Variants in DTX3L observed in about 807,000 individuals in gnomAD.
The protein encoded by DTX3L is E3 ubiquitin-protein ligase DTX3L.
DTX3L carries 34 observed loss-of-function variants against 60.9 expected under a neutral mutation model. The observed-to-expected ratio is 0.56, with a 90% confidence interval of 0.42 to 0.74. The LOEUF (loss-of-function observed/expected upper bound fraction) is 0.74, where lower values mean the gene tolerates loss of function less well. Among genes scored for constraint, DTX3L ranks in the 30% least tolerant of loss-of-function variants. The probability of loss-of-function intolerance (pLI) is 0.00; values close to 1 mark genes in which losing one functional copy is unlikely to be tolerated. For missense variants in DTX3L, 810 were observed against 874.0 expected (o/e 0.93, Z 0.92); for synonymous variants, 290 against 316.6 (o/e 0.92, Z 0.89).
chr3:122,564,583 A>G lies in DTX3L; in HGVS notation c.157A>G (p.Thr53Ala), dbSNP rs750194251. Residue 53 changes from threonine to alanine, a missense_variant, in exon 1 of 5, where the codon ACC becomes GCC. Physicochemically the swap from Thr to Ala is moderately conservative, Grantham distance 58. Coordinates refer to ENST00000296161, the MANE Select transcript of DTX3L (RefSeq NM_138287.3). The stretch of plus-strand genomic sequence containing the variant: ...CACCCAGGAACACGAAGCCCCGGGC[A>G]CCTTCCGGGTGGAGTTCAGTGAAAG... ...VSTQEHEAPGTFRVEFSERAA... is the reference protein window; with the variant it reads ...VSTQEHEAPGAFRVEFSERAA... 6 of 1,601,552 alleles carry G rather than the reference A, an allele frequency of 3.7e-6. No individual in the cohort carries two copies. The African/African-American group carries it at 6.8e-5, about 18-fold the overall frequency.
At chr3:122,570,972 A>G (rs1367660821) in intron 4 of DTX3L, among the ~76,000 whole-genome samples, 1 of 152,192 alleles carries the variant, frequency 6.6e-6, no homozygotes, top group African/African-American at 2.4e-5. Flanking sequence ...TCTGAAGGCT[A>G]GATGCTCGGA....
chr3:122,566,752 C>T (rs1159281882), intron 2 of DTX3L, among the ~76,000 whole-genome samples: 3 of 152,130 alleles, frequency 2.0e-5, no homozygotes, highest in Non-Finnish European at 4.4e-5. Context: ...ATTCATTCAA[C>T]AATAGATATC....
chr3:122,569,025 A>C lies in DTX3L; in HGVS notation c.936A>C (p.Leu312Phe). 7 of 1,614,212 alleles carry C rather than the reference A, an allele frequency of 4.3e-6. No homozygotes were observed. The highest frequency in any genetic ancestry group is 5.9e-6 in the Non-Finnish European group (7 of 1,180,040). The change falls in exon 3 of 5, where the codon TTA becomes TTC. Residue 312 changes from leucine (L) to phenylalanine (F), a missense_variant. By Grantham distance (22) the Leu-to-Phe change is conservative. Coordinates refer to ENST00000296161, the MANE Select transcript of DTX3L (RefSeq NM_138287.3). ...TEPLKQECVS[L>F]ADSKQANKFK... ...CTCTGAAGCAAGAATGTGTCTCTTTAGCAGACAGTAAGCAGGCAAATAAAT... is the reference window on the plus strand; with the variant it reads ...CTCTGAAGCAAGAATGTGTCTCTTTCGCAGACAGTAAGCAGGCAAATAAAT...
chr3:122,568,517 A>G lies in DTX3L; in HGVS notation c.428A>G (p.Asn143Ser). The G allele has an allele frequency of 1.2e-6, 2 of 1,612,164 alleles. No homozygotes were observed. Among genetic ancestry groups the G allele is most frequent in the African/African-American group, 2.7e-5 (2 of 74,920 alleles). ...TTTCTTACTGTAACAGCTGACCTGA[A>G]CTGTAACCTGTTCTCCAAAGAGCAG... ...KIFLTVTADLNCNLFSKEQRA... is the reference protein window; with the variant it reads ...KIFLTVTADLSCNLFSKEQRA... The change falls in exon 3 of 5, where the codon AAC becomes AGC. Residue 143 changes from asparagine to serine, a missense_variant. By Grantham distance (46) the Asn-to-Ser change is conservative (BLOSUM62 1). Coordinates refer to ENST00000296161, the MANE Select transcript of DTX3L (RefSeq NM_138287.3).
intron 3 of DTX3L, 31 bp from the exon 4 acceptor site, chr3:122,570,422 CTT>C: frequency 1.2e-6 from 2 of 1,608,060 alleles, no homozygotes; most frequent in Non-Finnish European, 1.7e-6. Context: ...ACAGGGCACT[CTT>C]TTCACATGAC....
rs887245382 is a variant in DTX3L at position 122,568,626 on chromosome 3, A to G, written c.537A>G (p.Gln179=). ...TTGAGAAGGTGTGTGGTGACTTCCAAGACATTGAAAGAATACATCAATTTT... is the reference window on the plus strand; with the variant it reads ...TTGAGAAGGTGTGTGGTGACTTCCAGGACATTGAAAGAATACATCAATTTT... The part of the protein sequence containing the change: ...DGIEKVCGDF[Q]DIERIHQFLS... The change falls in exon 3 of 5, where the codon CAA becomes CAG. Residue 179 remains glutamine, a synonymous_variant. Transcript: ENST00000296161. 1 of 1,614,096 alleles carries G rather than the reference A, an allele frequency of 6.2e-7. No homozygotes were observed. Among genetic ancestry groups the G allele is most frequent in the African/African-American group, 1.3e-5 (1 of 74,932 alleles).
chr3:122,570,481 A>G lies in DTX3L; in HGVS notation c.1962A>G (p.Arg654=). The change falls in exon 4 of 5, where the codon AGA becomes AGG. Residue 654 remains arginine, a synonymous_variant. Transcript: ENST00000296161. Reference sequence around the variant, plus strand: ...AAGAACACCCAAACCCAGGAAAGAGATACCCTGGAATACAGCGAACTGCAT... The same window carrying G: ...AAGAACACCCAAACCCAGGAAAGAGGTACCCTGGAATACAGCGAACTGCAT... ...QTEEHPNPGK[R]YPGIQRTAYL... 1 of 1,614,180 alleles carries G rather than the reference A, an allele frequency of 6.2e-7. No individual in the cohort carries two copies. The highest frequency in any genetic ancestry group is 8.5e-7 in the Non-Finnish European group (1 of 1,180,028).
Position 122,572,034 on chromosome 3 carries a change from G to A in DTX3L, c.*287G>A, listed in dbSNP as rs1417032518. Reference sequence around the variant, plus strand: ...TGCCATTCTCCTACCTCAGCCTCCCGAGTAGCTGGGACTACAGGCGCCCAC... The same window carrying A: ...TGCCATTCTCCTACCTCAGCCTCCCAAGTAGCTGGGACTACAGGCGCCCAC... On this transcript the variant is annotated 3_prime_UTR_variant, in exon 5 of 5. Transcript: ENST00000296161. 3.6e-5 allele frequency: 7 copies of A among 194,166 alleles called. No individual in the cohort carries two copies. In the East Asian group the frequency reaches 4.9e-4, roughly 14 times the overall value. 12.0% of individuals were successfully genotyped at this position (194,166 alleles called of 1,614,324 possible).
At chr3:122,568,275 C>T (rs2080604855) in intron 2 of DTX3L, among the ~76,000 whole-genome samples, 2 of 152,116 alleles carry the variant, frequency 1.3e-5, no homozygotes, top group Non-Finnish European at 1.5e-5. Flanking sequence ...CGCCATTGCA[C>T]TCCAGCCTGG....
At chr3:122,570,810 T>G in intron 4 of DTX3L, 138 bp downstream of exon 4, 1 of 873,962 alleles carries the variant, frequency 1.1e-6, no homozygotes, top group Non-Finnish European at 1.8e-6. Flanking sequence ...GGGATGGTAA[T>G]CTCAAAGACA....
At position 122,569,578 on chromosome 3, in the gene DTX3L, A is replaced by C. The variant is rs756597352; in HGVS notation, c.1489A>C (p.Asn497His). 1 of 1,614,222 alleles carries C rather than the reference A, an allele frequency of 6.2e-7. No individual in the cohort carries two copies. The highest frequency in any genetic ancestry group is 1.3e-5 in the African/African-American group (1 of 75,050). ...GTCAATGACTTTGACTGGTTTGCCA[A>C]ATCACCTTGCAAAGGCGAAGCAGTA... ...QESMTLTGLP[N>H]HLAKAKQYVL... is the part of the protein sequence containing the mutation. The change falls in exon 3 of 5, where the codon AAT (asparagine) becomes CAT (histidine). Residue 497 changes from asparagine to histidine, a missense_variant. Asn to His is a moderately conservative substitution (Grantham distance 68). Transcript: ENST00000296161.
intron 4 of DTX3L, among the ~76,000 whole-genome samples, chr3:122,571,246 G>A (rs895928622): frequency 1.4e-5 from 2 of 145,336 alleles, no homozygotes; most frequent in Admixed American, 1.4e-4. Flanking sequence ...ACTAGCATGT[G>A]ATTACGATGC....
Position 122,564,418 on chromosome 3 carries a change from C to T in DTX3L, c.-9C>T. On this transcript the variant is annotated 5_prime_UTR_variant, in exon 1 of 5. Coordinates refer to ENST00000296161, the MANE Select transcript of DTX3L (RefSeq NM_138287.3). ...CCGGAGCCCCCGCGCCCTCCCGACG[C>T]GCAGAGCCATGGCCTCCCACCTGCG... The T allele has an allele frequency of 6.2e-7, 1 of 1,604,974 alleles. No homozygotes were observed. Among genetic ancestry groups the T allele is most frequent in the Non-Finnish European group, 8.5e-7 (1 of 1,176,222 alleles).
Position 122,569,027 on chromosome 3 carries a change from C to T in DTX3L, c.938C>T (p.Ala313Val). ...EPLKQECVSL[A>V]DSKQANKFKQ... is the part of the protein sequence containing the mutation. Reference sequence around the variant, plus strand: ...CTGAAGCAAGAATGTGTCTCTTTAGCAGACAGTAAGCAGGCAAATAAATTC... The same window carrying T: ...CTGAAGCAAGAATGTGTCTCTTTAGTAGACAGTAAGCAGGCAAATAAATTC... Residue 313 changes from alanine to valine, a missense_variant, in exon 3 of 5, where the codon GCA becomes GTA. Transcript: ENST00000296161. The T allele has an allele frequency of 1.2e-6, 2 of 1,614,138 alleles. No individual in the cohort carries two copies. Among genetic ancestry groups the T allele is most frequent in the Non-Finnish European group, 1.7e-6 (2 of 1,180,028 alleles).
chr3:122,569,482 T>A lies in DTX3L; in HGVS notation c.1393T>A (p.Leu465Ile). The A allele has an allele frequency of 6.2e-7, 1 of 1,614,206 alleles. No individual in the cohort carries two copies. The highest frequency in any genetic ancestry group is 8.5e-7 in the Non-Finnish European group (1 of 1,180,042). Residue 465 changes from leucine (L) to isoleucine (I), a missense_variant, in exon 3 of 5, where the codon TTA becomes ATA. Leu to Ile is a conservative substitution (Grantham distance 5, BLOSUM62 2). Transcript: ENST00000296161. The part of the protein sequence containing the change: ...LKSLGKERKH[L>I]HQTKFADDFR... Reference sequence around the variant, plus strand: ...GTCTTTGGGCAAGGAGAGAAAGCACTTACATCAGACCAAGTTTGCTGATGA... The same window carrying A: ...GTCTTTGGGCAAGGAGAGAAAGCACATACATCAGACCAAGTTTGCTGATGA...
chr3:122,569,955 C>T lies in DTX3L; in HGVS notation c.1866C>T (p.Asp622=), dbSNP rs935269691. The T allele has an allele frequency of 4.3e-6, 7 of 1,613,992 alleles. No homozygotes were observed. Among genetic ancestry groups the T allele is most frequent in the Non-Finnish European group, 5.9e-6 (7 of 1,180,016 alleles). ...GCATGGTTTTCACTGTTTCAAGAGA[C>T]TCACTTCCAGGTTATGAGTCCTTTG... ...EGSMVFTVSR[D]SLPGYESFGT... is the part of the protein sequence containing the mutation. The change falls in exon 3 of 5, where the codon GAC becomes GAT. Residue 622 remains aspartate, a synonymous_variant. Coordinates refer to ENST00000296161, the MANE Select transcript of DTX3L (RefSeq NM_138287.3).
rs769261470 is a variant in DTX3L at position 122,570,549 on chromosome 3, T to G, written c.2030T>G (p.Leu677Arg). 21 of 1,614,040 alleles carry G rather than the reference T, an allele frequency of 1.3e-5. No individual in the cohort carries two copies. In the Admixed American group the frequency reaches 2.3e-4, roughly 18 times the overall value. The change falls in exon 4 of 5, where the codon CTT (leucine) becomes CGT (arginine). Residue 677 changes from leucine (L) to arginine (R), a missense_variant. Physicochemically the swap from Leu to Arg is moderately radical, Grantham distance 102. Transcript: ENST00000296161. The stretch of plus-strand genomic sequence containing the variant: ...GAAGGAAGGAAGGTTTTGAAACTGC[T>G]TTATAGGGCCTTTGACCAAAAGCTG... ...NKEGRKVLKL[L>R]YRAFDQKLIF...
rs1048654047 is a variant in DTX3L, at chr3:122,566,080, G to C, written c.399+10G>C. ...TTCCTGTCTCCAAAAGGTGAGTATT[G>C]AAAGAAGGAGCTGGCTGTGCCTGCG... On this transcript the variant is annotated intron_variant, in intron 2 of 4. Transcript: ENST00000296161. 5.0e-6 allele frequency: 8 copies of C among 1,612,330 alleles called. No homozygotes were observed. Among genetic ancestry groups the C allele is most frequent in the Non-Finnish European group, 1.7e-6 (2 of 1,178,652 alleles).
chr3:122,569,597 A>G lies in DTX3L; in HGVS notation c.1508A>G (p.Lys503Arg), dbSNP rs747725063. The change falls in exon 3 of 5, where the codon AAG (lysine) becomes AGG (arginine). Residue 503 changes from lysine to arginine, a missense_variant. Lys to Arg is a conservative substitution (Grantham distance 26, BLOSUM62 2). Coordinates refer to ENST00000296161, the MANE Select transcript of DTX3L (RefSeq NM_138287.3). ...TTGCCAAATCACCTTGCAAAGGCGA[A>G]GCAGTATGTTCTAAAAGGAGGAGGA... The part of the protein sequence containing the change: ...TGLPNHLAKA[K>R]QYVLKGGGMS... 6 of 1,614,240 alleles carry G rather than the reference A, an allele frequency of 3.7e-6. No homozygotes were observed. In the South Asian group the frequency reaches 6.6e-5, roughly 18 times the overall value.
Sources: gnomAD v4.1 joint callset for allele counts (sites outside exome capture counted in the v4.1 genomes callset) on GRCh38, gnomAD v4.1.1 for gene constraint, MANE v1.5 for transcripts, NCBI Gene and HGNC (gene_info 2026-07-23, HGNC 2026-07-21) for gene names.